The following LATS1 variants were observed in gnomAD, a reference collection of about 807,000 sequenced individuals.
The protein encoded by LATS1 is large tumor suppressor kinase 1.
A neutral mutation model predicts 106.6 loss-of-function variants in LATS1; 25 were observed. That is an observed-to-expected ratio of 0.23 (90% CI 0.17 to 0.33). LATS1 has a LOEUF of 0.33. LATS1 is among the 10% of genes least tolerant of loss of function. The pLI is 1.00. For missense variants in LATS1, 1,040 were observed against 1,382.6 expected, an observed-to-expected ratio of 0.75 and a Z score of 3.93; for synonymous variants, 465 against 455.6, an observed-to-expected ratio of 1.02 and a Z score of -0.26.
At position 149,668,107 on chromosome 6, in the gene LATS1, C is replaced by T. The variant is rs150920839; in HGVS notation, c.2884-5869G>A. On this transcript the variant is annotated intron_variant, in intron 7 of 7. Transcript: ENST00000543571. The stretch of plus-strand genomic sequence containing the variant: ...GATAATTTTTATATTTTAGTAGAGA[C>T]GGGGTTTCAACATGTTGGCCAGGCT... 8.4e-3 allele frequency among the ~76,000 whole-genome samples: 1,278 copies of T among 152,186 alleles called. 19 individuals carry two copies. Among genetic ancestry groups the T allele is most frequent in the African/African-American group, 0.029 (1,224 of 41,512 alleles).
At chr6:149,712,679 G>A (rs1434585167) in intron 1 of LATS1, among the ~76,000 whole-genome samples, 2 of 152,116 alleles carry the variant, frequency 1.3e-5, no homozygotes, top group African/African-American at 4.8e-5. Flanking sequence ...TTCTAAGCAT[G>A]CTTTTCTACA....
intron 1 of LATS1, among the ~76,000 whole-genome samples, chr6:149,711,794 C>T (rs138209625): frequency 2.9e-4 from 44 of 152,256 alleles, no homozygotes; most frequent in African/African-American, 8.9e-4. Flanking sequence ...TACCTCCAGG[C>T]CCGGTTGCTT....
chr6:149,687,402 G>C (rs949337743), intron 3 of LATS1, among the ~76,000 whole-genome samples: 3 of 151,328 alleles, frequency 2.0e-5, no homozygotes, highest in African/African-American at 7.3e-5. Flanking sequence ...ACATCTCCAA[G>C]GTTAATCCCC....
chr6:149,712,233 C>T lies in LATS1; in HGVS notation c.-141+5616G>A, dbSNP rs1321110970. Among the ~76,000 whole-genome samples, 7 of 151,940 alleles carry T rather than the reference C, an allele frequency of 4.6e-5. 1 individual carries two copies. The highest frequency in any genetic ancestry group is 2.6e-4 in the Admixed American group (4 of 15,200). On this transcript the variant is annotated intron_variant, in intron 1 of 7. Coordinates refer to ENST00000543571, the MANE Select transcript of LATS1 (RefSeq NM_004690.4). ...ATTTATTTATAGATGGAGTTTCGCT[C>T]GTTGCCCAGGCTGGAGTGCAATGGC...
intron 1 of LATS1, among the ~76,000 whole-genome samples, chr6:149,706,643 C>A (rs1480040543): frequency 6.6e-6 from 1 of 152,092 alleles, no homozygotes; most frequent in Non-Finnish European, 1.5e-5. Context: ...CAGAGTAAGT[C>A]CCACATGCAA....
intron 7 of LATS1, among the ~76,000 whole-genome samples, chr6:149,675,511 CAA>C (rs1160584920): frequency 1.3e-5 from 2 of 152,188 alleles, no homozygotes; most frequent in African/African-American, 4.8e-5. Flanking sequence ...CAGTAGGTGA[CAA>C]AGAGTAAACT....
intron 7 of LATS1, 38 bp from the exon 8 acceptor site, chr6:149,662,276 T>A (rs779814150): frequency 6.8e-7 from 1 of 1,480,840 alleles, no homozygotes; most frequent in Admixed American, 2.2e-5. Flanking sequence ...AAGAGATAAA[T>A]TAGAAAAATA....
chr6:149,700,336 C>T (rs891626736), intron 2 of LATS1, among the ~76,000 whole-genome samples: 3 of 151,818 alleles, frequency 2.0e-5, no homozygotes, highest in Admixed American at 1.3e-4. Flanking sequence ...AGCCAGGCGT[C>T]GTGGTGGGCG....
intron 7 of LATS1, among the ~76,000 whole-genome samples, chr6:149,673,892 C>G (rs1329913902): frequency 6.6e-6 from 1 of 151,648 alleles, no homozygotes; most frequent in Non-Finnish European, 1.5e-5. Flanking sequence ...TCAGGCTGGT[C>G]TCGAACTCCC....
intron 5 of LATS1, among the ~76,000 whole-genome samples, chr6:149,678,386 CTA>C (rs1299955770): frequency 6.6e-6 from 1 of 151,930 alleles, no homozygotes; most frequent in Admixed American, 6.6e-5. Context: ...AAAAAGATTT[CTA>C]TGCCCCAGTG....
At chr6:149,668,187 G>C (rs1161718397) in intron 7 of LATS1, among the ~76,000 whole-genome samples, 1 of 152,098 alleles carries the variant, frequency 6.6e-6, no homozygotes, top group Non-Finnish European at 1.5e-5. Flanking sequence ...CCAAAGTGCT[G>C]GGATTACAGG....
chr6:149,694,599 A>G (rs1467054264), intron 3 of LATS1, among the ~76,000 whole-genome samples: 1 of 152,216 alleles, frequency 6.6e-6, no homozygotes, highest in Non-Finnish European at 1.5e-5. Flanking sequence ...TTGCTTAAAC[A>G]ACAAGAATCA....
chr6:149,681,840 C>A (rs772893606), intron 4 of LATS1, among the ~76,000 whole-genome samples: 4 of 152,152 alleles, frequency 2.6e-5, no homozygotes, highest in Non-Finnish European at 5.9e-5. Flanking sequence ...AATGGCCAGG[C>A]ACAGTGGCTC....
Position 149,718,058 on chromosome 6 carries a change from G to A in LATS1, c.-350C>T, listed in dbSNP as rs1420059823. 2 of 323,486 alleles carry A rather than the reference G, an allele frequency of 6.2e-6. No individual in the cohort carries two copies. Among genetic ancestry groups the A allele is most frequent in the Non-Finnish European group, 1.2e-5 (2 of 166,724 alleles). The allele number at this position is 323,486 out of a possible 1,614,324, so 20.0% of individuals were successfully genotyped here. ...ACACCAGGCCACCGCCGCCGCCGCC[G>A]CCATTTTGCCTTCCACTCAGTGTCG... On this transcript the variant is annotated 5_prime_UTR_variant, in exon 1 of 8. Coordinates refer to ENST00000543571, the MANE Select transcript of LATS1 (RefSeq NM_004690.4).
intron 6 of LATS1, 64 bp downstream of exon 6, chr6:149,676,491 A>G: frequency 2.0e-6 from 3 of 1,491,716 alleles, no homozygotes; most frequent in Non-Finnish European, 2.8e-6. Context: ...AATAAGGCAT[A>G]TTCTAGTGTC....
At chr6:149,693,311 C>T (rs563412544) in intron 3 of LATS1, among the ~76,000 whole-genome samples, 2 of 147,692 alleles carry the variant, frequency 1.4e-5, no homozygotes, top group African/African-American at 5.0e-5. Flanking sequence ...GGTAAAGTGG[C>T]AATGAAAAAT....
intron 7 of LATS1, among the ~76,000 whole-genome samples, chr6:149,672,158 C>T (rs1398628983): frequency 4.0e-5 from 6 of 151,314 alleles, no homozygotes; most frequent in Middle Eastern, 3.2e-3. Context: ...TCCCAAAGTG[C>T]TGGGATTACA....
At chr6:149,679,531 G>T (rs181660928) in intron 5 of LATS1, among the ~76,000 whole-genome samples, 1 of 143,148 alleles carries the variant, frequency 7.0e-6, no homozygotes, top group Non-Finnish European at 1.5e-5. Context: ...CAGCCTGGGC[G>T]ACAGAGCGAG....
At chr6:149,678,968 C>A (rs1781882774) in intron 5 of LATS1, among the ~76,000 whole-genome samples, 1 of 151,886 alleles carries the variant, frequency 6.6e-6, no homozygotes. Context: ...ATAAATGTTA[C>A]AAGCAATAAC....
Sources: gnomAD v4.1 joint callset for allele counts (sites outside exome capture counted in the v4.1 genomes callset) on GRCh38, gnomAD v4.1.1 for gene constraint, MANE v1.5 for transcripts, NCBI Gene and HGNC (gene_info 2026-07-23, HGNC 2026-07-21) for gene names.